Variants in CEP68 observed in about 807,000 individuals in gnomAD.
CEP68 encodes the protein centrosomal protein of 68 kDa.
A neutral mutation model predicts 55.3 loss-of-function variants in CEP68; 26 were observed. That is an observed-to-expected ratio of 0.47 (90% CI 0.34 to 0.65). The LOEUF (loss-of-function observed/expected upper bound fraction) is 0.65, where lower values mean the gene tolerates loss of function less well. CEP68 is among the 30% of genes least tolerant of loss of function. The pLI is 0.01. For synonymous variants in CEP68, 402 were observed against 383.2 expected (o/e 1.05, Z -0.57); for missense variants, 957 against 946.7 (o/e 1.01, Z -0.14).
rs1409739686 is a variant in CEP68, at chr2:65,056,494, C to A, written c.-81C>A. 6.6e-6 allele frequency: 1 copy of A among 152,346 alleles called. No homozygotes were observed. Among genetic ancestry groups the A allele is most frequent in the Non-Finnish European group, 1.5e-5 (1 of 68,140 alleles). 9.4% of individuals were successfully genotyped at this position (152,346 alleles called of 1,614,324 possible). The stretch of plus-strand genomic sequence containing the variant: ...GGCCAGCGCATGGGGCTGCTGAGAC[C>A]GCTCCGGACGTGCGAAGCGTTCGCG... On this transcript the variant is annotated 5_prime_UTR_variant, in exon 1 of 7. Transcript: ENST00000377990.
Position 65,086,270 on chromosome 2 carries a change from CTCT to C in CEP68, c.*2642_*2644del, listed in dbSNP as rs1669025487. On this transcript the variant is annotated 3_prime_UTR_variant, in exon 7 of 7. Coordinates refer to ENST00000377990, the MANE Select transcript of CEP68 (RefSeq NM_015147.3). ...GTGCAGCTGCTTAGATTTAAGAACACTCTTCTTCACTATGTAAACTAATTTATG... is the reference window on the plus strand; with the variant it reads ...GTGCAGCTGCTTAGATTTAAGAACACTCTTCACTATGTAAACTAATTTATG... 1 of 152,206 alleles carries C rather than the reference CTCT, an allele frequency of 6.6e-6. No homozygotes were observed. The highest frequency in any genetic ancestry group is 2.4e-5 in the African/African-American group (1 of 41,448). The allele number at this position is 152,206 out of a possible 1,614,324, so 9.4% of individuals were successfully genotyped here. A position where few individuals can be genotyped will look rare whatever the true frequency, so the allele number is the denominator to read the frequency against.
rs572389372 is a variant in CEP68, at chr2:65,074,164, G to A, written c.1885-118G>A. On this transcript the variant is annotated intron_variant, in intron 3 of 6. Coordinates refer to ENST00000377990, the MANE Select transcript of CEP68 (RefSeq NM_015147.3). ...AGTCGGGACAGGTGAGCAAGGAGGA[G>A]AGAGGAAACTGAAGGTGCACAGTCT... 1,685 of 1,227,792 alleles carry A rather than the reference G, an allele frequency of 1.4e-3. 4 individuals are homozygous for A. Among genetic ancestry groups the A allele is most frequent in the Middle Eastern group, 4.0e-3 (15 of 3,728 alleles). 76.1% of individuals were successfully genotyped at this position (1,227,792 alleles called of 1,614,324 possible).
chr2:65,057,405 T>A (rs1675683023), intron 1 of CEP68, among the ~76,000 whole-genome samples: 1 of 152,200 alleles, frequency 6.6e-6, no homozygotes, highest in African/African-American at 2.4e-5. Flanking sequence ...CTTTGTTCCC[T>A]CCATTCCCCT....
intron 1 of CEP68, among the ~76,000 whole-genome samples, chr2:65,066,745 AATAT>A (rs1553384179): frequency 0.044 from 2,553 of 58,320 alleles, 99 homozygotes; most frequent in Middle Eastern, 0.083. Flanking sequence ...AAAAAAAAAA[AATAT>A]ATATATATAT....
At chr2:65,081,363 CT>C (rs780941063) in intron 5 of CEP68, among the ~76,000 whole-genome samples, 6 of 152,166 alleles carry the variant, frequency 3.9e-5, no homozygotes, top group African/African-American at 1.2e-4. Flanking sequence ...ACTGATGTGG[CT>C]TCCCTAGGAG....
intron 1 of CEP68, among the ~76,000 whole-genome samples, chr2:65,056,819 C>T (rs978725440): frequency 6.6e-6 from 1 of 152,226 alleles, no homozygotes; most frequent in African/African-American, 2.4e-5. Context: ...CTTGGGAATG[C>T]CCGGGCGCGG....
Position 65,072,486 on chromosome 2 carries a change from A to G in CEP68, c.1390A>G (p.Thr464Ala), listed in dbSNP as rs754249961. ...GACCAGCCAGAGTGCCCGGCGCCCT[A>G]CCTGCACAGAGTCTAGGTGGAAATC... ...KRTSQSARRP[T>A]CTESRWKSEE... The change falls in exon 3 of 7, where the codon ACC (threonine) becomes GCC (alanine). Residue 464 changes from threonine to alanine, a missense_variant. Physicochemically the swap from Thr to Ala is moderately conservative, Grantham distance 58. Coordinates refer to ENST00000377990, the MANE Select transcript of CEP68 (RefSeq NM_015147.3). 2.1e-5 allele frequency: 34 copies of G among 1,613,916 alleles called. No homozygotes were observed. The highest frequency in any genetic ancestry group is 3.3e-5 in the Admixed American group (2 of 59,996).
intron 4 of CEP68, chr2:65,074,773 C>CCCT (rs1553386773): frequency 1.3e-5 from 3 of 236,366 alleles, no homozygotes; most frequent in African/African-American, 7.2e-5. Flanking sequence ...GACCCCCCCC[C>CCCT]CTCAAAAAAA....
intron 1 of CEP68, among the ~76,000 whole-genome samples, chr2:65,062,445 A>G (rs1303626680): frequency 6.7e-6 from 1 of 148,446 alleles, no homozygotes; most frequent in African/African-American, 2.5e-5. Context: ...AGCCAGGAGA[A>G]TTGCTTGAAC....
chr2:65,067,407 G>C (rs1157639464), intron 1 of CEP68, among the ~76,000 whole-genome samples: 1 of 152,030 alleles, frequency 6.6e-6, no homozygotes, highest in Non-Finnish European at 1.5e-5. Context: ...GTGGGGGAAG[G>C]ATGAACATAG....
chr2:65,081,337 G>A (rs550836614), intron 5 of CEP68, among the ~76,000 whole-genome samples: 23 of 152,242 alleles, frequency 1.5e-4, no homozygotes, highest in Non-Finnish European at 5.9e-5. Flanking sequence ...ACAGCACTTT[G>A]CCCTGATGAC....
At chr2:65,062,696 G>A (rs1015424241) in intron 1 of CEP68, among the ~76,000 whole-genome samples, 1 of 151,858 alleles carries the variant, frequency 6.6e-6, no homozygotes. Flanking sequence ...AATGAACCAC[G>A]CATGGTGGTG....
At chr2:65,067,917 C>T (rs982660053) in intron 1 of CEP68, among the ~76,000 whole-genome samples, 4 of 152,136 alleles carry the variant, frequency 2.6e-5, no homozygotes, top group African/African-American at 9.7e-5. Context: ...GGGAAGGGCC[C>T]TCTTGGATTC....
At position 65,071,460 on chromosome 2, in the gene CEP68, A is replaced by G. The variant is rs1329924053; in HGVS notation, c.364A>G (p.Lys122Glu). The G allele has an allele frequency of 2.5e-6, 4 of 1,612,494 alleles. No homozygotes were observed. The Admixed American group carries it at 5.0e-5, about 20-fold the overall frequency. Reference sequence around the variant, plus strand: ...GTCCCTTTGATCATTGCAGGTGGAGAAGACCAAGCTTTCTTCCTCCGAGGA... The same window carrying G: ...GTCCCTTTGATCATTGCAGGTGGAGGAGACCAAGCTTTCTTCCTCCGAGGA... ...LLLSGESQVE[K>E]TKLSSSEEFP... The change falls in exon 3 of 7, where the codon AAG (lysine) becomes GAG (glutamate). Residue 122 changes from lysine (K) to glutamate (E), a missense_variant. Coordinates refer to ENST00000377990, the MANE Select transcript of CEP68 (RefSeq NM_015147.3).
chr2:65,079,171 C>T (rs527368040), intron 5 of CEP68, among the ~76,000 whole-genome samples: 6 of 152,290 alleles, frequency 3.9e-5, no homozygotes, highest in Admixed American at 1.3e-4. Context: ...GCAGGTCCCA[C>T]GGGCTTGAGA....
Position 65,084,128 on chromosome 2 carries a change from TAGAA to T in CEP68, c.*499_*502del, listed in dbSNP as rs1158676073. On this transcript the variant is annotated 3_prime_UTR_variant, in exon 7 of 7. Transcript: ENST00000377990. ...GTCAATCCCTCTTTAAAGATATAGG[TAGAA>T]AGAAGAGATTTTTAACCCTTTGTCT... 2 of 152,184 alleles carry T rather than the reference TAGAA, an allele frequency of 1.3e-5. No homozygotes were observed. The highest frequency in any genetic ancestry group is 3.8e-4 in the East Asian group (2 of 5,206). 9.4% of individuals were successfully genotyped at this position (152,184 alleles called of 1,614,324 possible). A position where few individuals can be genotyped will look rare whatever the true frequency, so the allele number is the denominator to read the frequency against.
At chr2:65,074,671 G>T in intron 4 of CEP68, 1 of 420,846 alleles carries the variant, frequency 2.4e-6, no homozygotes, top group Admixed American at 3.4e-5. Context: ...CAGGTGCAGT[G>T]GGACAAGTCT....
At chr2:65,083,025 C>T (rs538490919) in intron 6 of CEP68, among the ~76,000 whole-genome samples, 1 of 152,338 alleles carries the variant, frequency 6.6e-6, no homozygotes, top group Non-Finnish European at 1.5e-5. Flanking sequence ...TGTACACCTA[C>T]TTTATTTCTG....
chr2:65,076,160 C>T (rs1243637812), intron 4 of CEP68, among the ~76,000 whole-genome samples: 1 of 152,082 alleles, frequency 6.6e-6, no homozygotes, highest in Non-Finnish European at 1.5e-5. Flanking sequence ...AAGGCTGACT[C>T]CAAGGGTCCT....
Sources: gnomAD v4.1 joint callset for allele counts (sites outside exome capture counted in the v4.1 genomes callset) on GRCh38, gnomAD v4.1.1 for gene constraint, MANE v1.5 for transcripts, NCBI Gene and HGNC (gene_info 2026-07-23, HGNC 2026-07-21) for gene names.